The following LRRC49 variants were observed in gnomAD, a reference collection of about 807,000 sequenced individuals.
LRRC49 encodes leucine rich repeat containing 49.
A neutral mutation model predicts 83.3 loss-of-function variants in LRRC49; 50 were observed. That is an observed-to-expected ratio of 0.60 (90% confidence interval 0.48 to 0.76). The LOEUF (loss-of-function observed/expected upper bound fraction) is 0.76, where lower values mean the gene tolerates loss of function less well. Ranked by LOEUF, LRRC49 falls within the 30% of genes least tolerant of loss-of-function variation. The pLI is 0.00. For synonymous variants in LRRC49, 286 were observed against 283.3 expected, an observed-to-expected ratio of 1.01 and a Z score of -0.10; for missense variants, 704 against 809.1, an observed-to-expected ratio of 0.87 and a Z score of 1.58.
intron 8 of LRRC49, among the ~76,000 whole-genome samples, chr15:70,938,742 C>T (rs2035693271): frequency 6.6e-6 from 1 of 152,130 alleles, no homozygotes; most frequent in South Asian, 2.1e-4. Context: ...ACAGTGCCAG[C>T]TTTCTGGGAC....
intron 14 of LRRC49, among the ~76,000 whole-genome samples, chr15:71,022,094 C>T (rs900173066): frequency 6.6e-6 from 1 of 152,076 alleles, no homozygotes; most frequent in Non-Finnish European, 1.5e-5. Flanking sequence ...AAAGATTAGC[C>T]AGGCCTGGTG....
chr15:70,998,352 T>C (rs2038144451), intron 11 of LRRC49, among the ~76,000 whole-genome samples: 1 of 152,194 alleles, frequency 6.6e-6, no homozygotes, highest in Non-Finnish European at 1.5e-5. Flanking sequence ...TAGCATTTCC[T>C]GTAGGTCAGG....
At chr15:71,004,378 CATCAGTG>C (rs1434308603) in intron 11 of LRRC49, among the ~76,000 whole-genome samples, 1 of 152,140 alleles carries the variant, frequency 6.6e-6, no homozygotes, top group Non-Finnish European at 1.5e-5. Context: ...TCTAAATGCC[CATCAGTG>C]ATATACTGGA....
chr15:70,970,162 G>C (rs1450860820), intron 9 of LRRC49, among the ~76,000 whole-genome samples: 2 of 152,150 alleles, frequency 1.3e-5, no homozygotes, highest in African/African-American at 4.8e-5. Flanking sequence ...TCAATACCTA[G>C]TTTGTTGAGT....
chr15:70,880,961 T>G (rs979376419), intron 2 of LRRC49, among the ~76,000 whole-genome samples: 1 of 152,214 alleles, frequency 6.6e-6, no homozygotes, highest in Non-Finnish European at 1.5e-5. Context: ...CAGTGACTCA[T>G]GCCTGTAATC....
At chr15:70,919,709 G>A (rs1474809753) in intron 7 of LRRC49, among the ~76,000 whole-genome samples, 1 of 152,086 alleles carries the variant, frequency 6.6e-6, no homozygotes, top group East Asian at 1.9e-4. Flanking sequence ...TGTGACCTTG[G>A]GTAAATCACA....
upstream of LRRC49, among the ~76,000 whole-genome samples, chr15:70,888,838 T>G (rs1595983285): frequency 6.6e-6 from 1 of 152,140 alleles, no homozygotes; most frequent in African/African-American, 2.4e-5. Flanking sequence ...AATATCCAAT[T>G]AATATTTGAA....
At chr15:70,964,702 T>G (rs1327985685) in intron 9 of LRRC49, among the ~76,000 whole-genome samples, 1 of 152,164 alleles carries the variant, frequency 6.6e-6, no homozygotes, top group Non-Finnish European at 1.5e-5. Flanking sequence ...TTAACTTTGT[T>G]TCTTTGACCA....
chr15:70,892,495 A>G, upstream of LRRC49: 2 of 1,527,478 alleles, frequency 1.3e-6, no homozygotes, highest in East Asian at 2.5e-5. Flanking sequence ...GCTGCTCCCC[A>G]GGAGCCAGTG....
intron 7 of LRRC49, among the ~76,000 whole-genome samples, chr15:70,936,023 C>T (rs1454779748): frequency 6.6e-6 from 1 of 151,944 alleles, no homozygotes; most frequent in African/African-American, 2.4e-5. Flanking sequence ...AATTAGGTAG[C>T]TTTTACTTTA....
chr15:70,921,327 T>C (rs924103617), intron 7 of LRRC49, among the ~76,000 whole-genome samples: 2 of 152,198 alleles, frequency 1.3e-5, no homozygotes, highest in Non-Finnish European at 2.9e-5. Flanking sequence ...ATAATCTCTA[T>C]AGATAAAACA....
chr15:70,900,086 A>G (rs2034005816), intron 3 of LRRC49: 1 of 160,418 alleles, frequency 6.2e-6, no homozygotes, highest in Admixed American at 6.2e-5. Context: ...TTCATTAAGT[A>G]AAAAATAACC....
chr15:71,021,097 A>G (rs1445100748), intron 14 of LRRC49, among the ~76,000 whole-genome samples: 2 of 152,220 alleles, frequency 1.3e-5, no homozygotes, highest in Non-Finnish European at 2.9e-5. Flanking sequence ...TTACAAATTT[A>G]TGTTGGGCCA....
At chr15:70,940,180 G>A (rs1020275898) in intron 8 of LRRC49, among the ~76,000 whole-genome samples, 2 of 151,144 alleles carry the variant, frequency 1.3e-5, no homozygotes, top group Non-Finnish European at 2.9e-5. Flanking sequence ...AAACTGCCCT[G>A]CAGTTGTCTA....
chr15:70,862,231 TTCTC>T (rs2032806054), intron 1 of LRRC49, among the ~76,000 whole-genome samples: 1 of 152,080 alleles, frequency 6.6e-6, no homozygotes, highest in Non-Finnish European at 1.5e-5. Flanking sequence ...AGGTCAGAAA[TTCTC>T]AACTTAAGTT....
At chr15:70,882,478 T>TA (rs1166402034) in intron 2 of LRRC49, 1 of 1,613,066 alleles carries the variant, frequency 6.2e-7, no homozygotes, top group Admixed American at 1.7e-5. Flanking sequence ...CTTTCACCTG[T>TA]ACAGCCATAT....
chr15:70,987,750 C>T (rs1322088478), intron 11 of LRRC49, among the ~76,000 whole-genome samples: 1 of 151,980 alleles, frequency 6.6e-6, no homozygotes, highest in Non-Finnish European at 1.5e-5. Flanking sequence ...TTGGATCTTT[C>T]CTGCTTTCTC....
At chr15:70,942,348 G>A in intron 8 of LRRC49, among the ~76,000 whole-genome samples, 1 of 152,090 alleles carries the variant, frequency 6.6e-6, no homozygotes, top group East Asian at 1.9e-4. Flanking sequence ...ATTACATACT[G>A]GGTGGTGTTC....
chr15:70,901,215 A>G (rs2034064354), intron 4 of LRRC49, among the ~76,000 whole-genome samples, 191 bp downstream of exon 4: 1 of 152,156 alleles, frequency 6.6e-6, no homozygotes, highest in East Asian at 1.9e-4. Flanking sequence ...TTATATCTAT[A>G]TAACATAAAA....
Sources: allele counts gnomAD v4.1 joint callset (sites outside exome capture counted in the v4.1 genomes callset), GRCh38; gene constraint gnomAD v4.1.1; transcripts MANE v1.5; gene names NCBI Gene and HGNC (gene_info 2026-07-23, HGNC 2026-07-21).